GUCY1B1: variants seen among roughly 807,000 people sequenced by gnomAD.
The protein encoded by GUCY1B1 is guanylate cyclase 1 soluble subunit beta 1.
GUCY1B1 carries 43 observed loss-of-function variants against 71.0 expected under a neutral mutation model. That is an observed-to-expected ratio of 0.61 (90% CI 0.47 to 0.78). The LOEUF is 0.78. Among genes scored for constraint, GUCY1B1 ranks in the 30% least tolerant of loss-of-function variants. GUCY1B1 has a pLI of 0.00. For missense variants in GUCY1B1, 535 were observed against 754.1 expected (o/e 0.71, Z 3.40); for synonymous variants, 266 against 259.7 (o/e 1.02, Z -0.23).
chr4:155,775,251 T>G (rs553452745), intron 3 of GUCY1B1, among the ~76,000 whole-genome samples, 183 bp downstream of exon 3: 1 of 152,346 alleles, frequency 6.6e-6, no homozygotes, highest in South Asian at 2.1e-4. Flanking sequence ...TTATTTTTCC[T>G]TTTGCAAATT....
chr4:155,771,356 C>A (rs6848972), intron 2 of GUCY1B1, among the ~76,000 whole-genome samples: 3 of 152,026 alleles, frequency 2.0e-5, no homozygotes, highest in Admixed American at 1.3e-4. Context: ...ATGCATTGAC[C>A]CATGGTTAGG....
intron 4 of GUCY1B1, among the ~76,000 whole-genome samples, chr4:155,785,996 T>A (rs1203761055): frequency 1.3e-5 from 2 of 152,126 alleles, no homozygotes; most frequent in Non-Finnish European, 2.9e-5. Context: ...GTGCAGTGCC[T>A]ATCTTTAGTG....
At chr4:155,764,700 C>G (rs1016820895) in intron 2 of GUCY1B1, among the ~76,000 whole-genome samples, 1 of 152,196 alleles carries the variant, frequency 6.6e-6, no homozygotes. Flanking sequence ...GCCTGAAATA[C>G]AGAGGAAGGC....
intron 2 of GUCY1B1, among the ~76,000 whole-genome samples, chr4:155,770,270 A>T (rs1737609694): frequency 6.6e-6 from 1 of 152,168 alleles, no homozygotes; most frequent in Non-Finnish European, 1.5e-5. Context: ...TAAGGAGAGA[A>T]GGAAGCCTGC....
chr4:155,791,752 A>AT lies in GUCY1B1; in HGVS notation c.495+1841_495+1842insT, dbSNP rs1171512345. Among the ~76,000 whole-genome samples the AT allele has an allele frequency of 2.0e-4, 29 of 142,084 alleles. 1 individual carries two copies. The highest frequency in any genetic ancestry group is 7.4e-4 in the African/African-American group (28 of 38,080). The allele number at this position is 142,084 out of a possible 152,430, so 93.2% of individuals were successfully genotyped here. A position where few individuals can be genotyped will look rare whatever the true frequency, so the allele number is the denominator to read the frequency against. On this transcript the variant is annotated intron_variant, in intron 5 of 13. Transcript: ENST00000264424. ...TTATCAAAAAAATAGAGAAAAAAAA[A>AT]AAAATAAAGCAAAACAAAACGAAAA...
intron 7 of GUCY1B1, 56 bp from the exon 8 acceptor site, chr4:155,796,321 G>T: frequency 3.3e-6 from 5 of 1,536,718 alleles, no homozygotes; most frequent in South Asian, 1.2e-5. Context: ...CCTTGTTGCT[G>T]AATTCTTAGG....
At chr4:155,793,239 G>T (rs1739306247) in intron 5 of GUCY1B1, among the ~76,000 whole-genome samples, 1 of 152,028 alleles carries the variant, frequency 6.6e-6, no homozygotes, top group African/African-American at 2.4e-5. Flanking sequence ...ACTGCGCCTG[G>T]CTAATTTTTG....
chr4:155,804,962 T>C, intron 12 of GUCY1B1, 141 bp from the exon 13 acceptor site: 1 of 788,636 alleles, frequency 1.3e-6, no homozygotes, highest in African/African-American at 1.7e-5. Flanking sequence ...GATATGATCA[T>C]TGTTTCTAAA....
In GUCY1B1 at chr4:155,804,584, T is replaced by C. The variant is rs752387995; in HGVS notation, c.1555-9T>C. On this transcript the variant is annotated splice_polypyrimidine_tract_variant and intron_variant, in intron 11 of 13. Transcript: ENST00000264424. ...CAAAATGATTGAAGCAAAGCTTTCT[T>C]TTTTGCAGATAACAATAGGGATACA... 6.3e-7 allele frequency: 1 copy of C among 1,597,678 alleles called. No homozygotes were observed. Among genetic ancestry groups the C allele is most frequent in the Non-Finnish European group, 8.5e-7 (1 of 1,173,072 alleles).
At chr4:155,777,968 G>C (rs1445684997) in intron 4 of GUCY1B1, among the ~76,000 whole-genome samples, 1 of 151,896 alleles carries the variant, frequency 6.6e-6, no homozygotes, top group Non-Finnish European at 1.5e-5. Flanking sequence ...TAGTGATTGT[G>C]GTTTTATGTG....
chr4:155,805,478 G>A (rs1187195476), intron 13 of GUCY1B1, among the ~76,000 whole-genome samples: 1 of 152,086 alleles, frequency 6.6e-6, no homozygotes, highest in African/African-American at 2.4e-5. Context: ...TGAGAAGGCT[G>A]CTTTTTTTCT....
Position 155,803,400 on chromosome 4 carries a change from T to C in GUCY1B1, c.1414-224T>C, listed in dbSNP as rs867981168. On this transcript the variant is annotated intron_variant, in intron 10 of 13. Coordinates refer to ENST00000264424, the MANE Select transcript of GUCY1B1 (RefSeq NM_000857.5). ...GGAAAAATAATTCTATGTCTGTACC[T>C]GCCCGTCATCAAAGACCCCAAGTGT... 4.5e-4 allele frequency among the ~76,000 whole-genome samples: 69 copies of C among 152,320 alleles called. No homozygotes were observed. In the Middle Eastern group the frequency reaches 0.01, roughly 23 times the overall value.
At chr4:155,799,717 A>G (rs2111160560) in intron 8 of GUCY1B1, among the ~76,000 whole-genome samples, 160 bp from the exon 9 acceptor site, 1 of 152,314 alleles carries the variant, frequency 6.6e-6, no homozygotes, top group South Asian at 2.1e-4. Context: ...CTAAGAGAAT[A>G]AACTCACAAT....
At chr4:155,765,336 A>G (rs994457230) in intron 2 of GUCY1B1, among the ~76,000 whole-genome samples, 2 of 152,202 alleles carry the variant, frequency 1.3e-5, no homozygotes, top group African/African-American at 4.8e-5. Context: ...AATGAATGCT[A>G]TAAAGAAATC....
At chr4:155,782,863 G>C (rs1268133262) in intron 4 of GUCY1B1, among the ~76,000 whole-genome samples, 2 of 152,166 alleles carry the variant, frequency 1.3e-5, no homozygotes, top group African/African-American at 4.8e-5. Flanking sequence ...GCCACGTGTA[G>C]ACTGGCAGAT....
chr4:155,775,369 T>G (rs1275315735), intron 3 of GUCY1B1, among the ~76,000 whole-genome samples: 1 of 152,204 alleles, frequency 6.6e-6, no homozygotes, highest in Non-Finnish European at 1.5e-5. Context: ...TCCGGCTCAC[T>G]GCATCCTCTG....
chr4:155,760,519 GAGCCCAGTACTGGGGAT>G (rs1450808828), intron 2 of GUCY1B1, among the ~76,000 whole-genome samples: 1 of 126,474 alleles, frequency 7.9e-6, no homozygotes, highest in Non-Finnish European at 1.6e-5. Flanking sequence ...CTGGAGCTTT[GAGCCCAGTACTGGGGAT>G]GTGAACGGAA....
chr4:155,763,611 A>G (rs1451429831), intron 2 of GUCY1B1, among the ~76,000 whole-genome samples: 2 of 152,082 alleles, frequency 1.3e-5, no homozygotes, highest in African/African-American at 2.4e-5. Flanking sequence ...TTTCCTGCCT[A>G]TAACTCAAAT....
intron 2 of GUCY1B1, among the ~76,000 whole-genome samples, chr4:155,762,213 G>T (rs1737043230): frequency 6.6e-6 from 1 of 152,098 alleles, no homozygotes; most frequent in Admixed American, 6.5e-5. Context: ...AATGCTCCTT[G>T]GGTGATTCTG....
Sources: allele counts gnomAD v4.1 joint callset (sites outside exome capture counted in the v4.1 genomes callset), GRCh38; gene constraint gnomAD v4.1.1; transcripts MANE v1.5; gene names NCBI Gene and HGNC (gene_info 2026-07-23, HGNC 2026-07-21).